The following MDH2 variants were observed in gnomAD, a reference collection of about 807,000 sequenced individuals.
The protein encoded by MDH2 is malate dehydrogenase 2.
In MDH2, 25 loss-of-function variants were observed where a neutral mutation model predicts 33.6. That is an observed-to-expected ratio of 0.74 (90% confidence interval 0.54 to 1.04). The LOEUF (loss-of-function observed/expected upper bound fraction) is 1.04. Ranked by LOEUF, MDH2 falls within the 50% of genes least tolerant of loss-of-function variation. MDH2 has a pLI of 0.00. For synonymous variants in MDH2, 193 were observed against 188.7 expected, an observed-to-expected ratio of 1.02 and a Z score of -0.19; for missense variants, 432 against 445.0, an observed-to-expected ratio of 0.97 and a Z score of 0.26.
chr7:76,063,864 G>A (rs1028563016), intron 6 of MDH2, among the ~76,000 whole-genome samples: 8 of 152,194 alleles, frequency 5.3e-5, no homozygotes, highest in Non-Finnish European at 1.2e-4. Flanking sequence ...AGCGGGCGAG[G>A]TGCTTTTTTC....
At chr7:76,053,681 CCA>C (rs1210847932) in intron 1 of MDH2, among the ~76,000 whole-genome samples, 1 of 152,154 alleles carries the variant, frequency 6.6e-6, no homozygotes, top group Non-Finnish European at 1.5e-5. Flanking sequence ...CCCCAGATGA[CCA>C]CACACGGTGC....
chr7:76,053,404 C>T (rs1189211443), intron 1 of MDH2, among the ~76,000 whole-genome samples: 1 of 152,136 alleles, frequency 6.6e-6, no homozygotes, highest in East Asian at 1.9e-4. Flanking sequence ...TGAGCCTGCC[C>T]GACCTCAGGT....
intron 1 of MDH2, chr7:76,049,132 C>T (rs998402784): frequency 8.1e-6 from 8 of 982,936 alleles, no homozygotes; most frequent in African/African-American, 1.8e-5. Context: ...TCGAAGTTCT[C>T]GAGTTTCCTG....
At chr7:76,052,010 T>C (rs1230945035) in intron 1 of MDH2, among the ~76,000 whole-genome samples, 1 of 152,182 alleles carries the variant, frequency 6.6e-6, no homozygotes, top group Non-Finnish European at 1.5e-5. Context: ...TCCTGTAATA[T>C]ACAAACAGTG....
intron 1 of MDH2, among the ~76,000 whole-genome samples, chr7:76,049,986 C>T (rs782704445): frequency 2.6e-5 from 4 of 152,252 alleles, no homozygotes; most frequent in South Asian, 2.1e-4. Flanking sequence ...CGCGCACCAC[C>T]GTGCCCAGCT....
chr7:76,054,881 C>T lies in MDH2; in HGVS notation c.118C>T (p.Leu40Phe). 1 of 1,614,192 alleles carries T rather than the reference C, an allele frequency of 6.2e-7. No individual in the cohort carries two copies. The highest frequency in any genetic ancestry group is 8.5e-7 in the Non-Finnish European group (1 of 1,180,048). Residue 40 changes from leucine to phenylalanine, a missense_variant, in exon 2 of 9, where the codon CTT (leucine) becomes TTT (phenylalanine). Coordinates refer to ENST00000315758, the MANE Select transcript of MDH2 (RefSeq NM_005918.4). ...LGASGGIGQPLSLLLKNSPLV... is the reference protein window; with the variant it reads ...LGASGGIGQPFSLLLKNSPLV... ...GGCCTCTGGAGGCATCGGGCAGCCA[C>T]TTTCACTTCTCCTGAAGAACAGCCC... is the stretch of plus-strand genomic sequence containing the variant.
intron 2 of MDH2, among the ~76,000 whole-genome samples, chr7:76,055,547 G>A (rs1797745538): frequency 6.6e-6 from 1 of 151,880 alleles, no homozygotes; most frequent in Non-Finnish European, 1.5e-5. Flanking sequence ...ACCAGCCCAG[G>A]CAACATGGCG....
intron 8 of MDH2, among the ~76,000 whole-genome samples, chr7:76,065,775 C>G (rs1798079069): frequency 6.6e-6 from 1 of 152,194 alleles, no homozygotes; most frequent in Admixed American, 6.5e-5. Flanking sequence ...GGCAGAGATG[C>G]CTGTTTTTGC....
chr7:76,062,207 C>G (rs1554587118), intron 5 of MDH2, among the ~76,000 whole-genome samples: 1 of 152,248 alleles, frequency 6.6e-6, no homozygotes, highest in East Asian at 1.9e-4. Context: ...CCACCATATT[C>G]CCTTTCAACG....
At chr7:76,065,956 G>A (rs193168081) in intron 8 of MDH2, among the ~76,000 whole-genome samples, 34 of 152,262 alleles carry the variant, frequency 2.2e-4, no homozygotes, top group Non-Finnish European at 4.1e-4. Flanking sequence ...GGTGCTTGTC[G>A]CATTGTCCTC....
intron 5 of MDH2, among the ~76,000 whole-genome samples, 193 bp from the exon 6 acceptor site, chr7:76,063,322 C>T (rs1798003869): frequency 6.6e-6 from 1 of 152,246 alleles, no homozygotes; most frequent in Non-Finnish European, 1.5e-5. Flanking sequence ...TGCTGGCGCT[C>T]ATGCTCAGCC....
intron 1 of MDH2, chr7:76,048,989 G>A: frequency 3.5e-6 from 1 of 288,232 alleles, no homozygotes; most frequent in Non-Finnish European, 4.2e-6. Flanking sequence ...TGCGGGGGGG[G>A]GGGGGGGGGT....
chr7:76,063,001 GT>G (rs1250652618), intron 5 of MDH2, among the ~76,000 whole-genome samples: 1 of 152,236 alleles, frequency 6.6e-6, no homozygotes, highest in Non-Finnish European at 1.5e-5. Context: ...AGCCATAGGA[GT>G]CAGTTTGTTC....
At chr7:76,055,136 AT>A in intron 2 of MDH2, 138 bp downstream of exon 2, 1 of 998,664 alleles carries the variant, frequency 1.0e-6, no homozygotes, top group Non-Finnish European at 1.4e-6. Context: ...TTTACAAGTG[AT>A]TACACCCTTT....
At chr7:76,052,509 C>T (rs1554585621) in intron 1 of MDH2, among the ~76,000 whole-genome samples, 2 of 151,324 alleles carry the variant, frequency 1.3e-5, no homozygotes, top group Non-Finnish European at 2.9e-5. Context: ...TTGGCCACTC[C>T]CCTGTGGAAC....
chr7:76,051,550 A>G, intron 1 of MDH2, among the ~76,000 whole-genome samples: 1 of 151,896 alleles, frequency 6.6e-6, no homozygotes, highest in Non-Finnish European at 1.5e-5. Flanking sequence ...CAAACTCCCG[A>G]CCTCAGGTGA....
intron 6 of MDH2, among the ~76,000 whole-genome samples, 165 bp from the exon 7 acceptor site, chr7:76,064,174 A>T (rs782764540): frequency 6.6e-6 from 1 of 151,746 alleles, no homozygotes; most frequent in Non-Finnish European, 1.5e-5. Flanking sequence ...CCAGAATAGC[A>T]TGTCATTTTT....
At chr7:76,063,924 A>G (rs1415454869) in intron 6 of MDH2, among the ~76,000 whole-genome samples, 3 of 152,106 alleles carry the variant, frequency 2.0e-5, no homozygotes, top group African/African-American at 7.2e-5. Context: ...TAATCCCAGC[A>G]TTTGGGAGGC....
chr7:76,055,834 T>A (rs1797761016), intron 2 of MDH2, among the ~76,000 whole-genome samples: 1 of 151,630 alleles, frequency 6.6e-6, no homozygotes. Context: ...CACCAAATTT[T>A]TTTTTTTTTT....
Sources: gnomAD v4.1 joint callset for allele counts (sites outside exome capture counted in the v4.1 genomes callset) on GRCh38, gnomAD v4.1.1 for gene constraint, MANE v1.5 for transcripts, NCBI Gene and HGNC (gene_info 2026-07-23, HGNC 2026-07-21) for gene names.